Variants in OPA3 observed in about 807,000 individuals in gnomAD.
The protein encoded by OPA3 is optic atrophy 3 protein.
OPA3 carries 6 observed loss-of-function variants against 4.0 expected under a neutral mutation model. The observed-to-expected ratio is 1.51, with a 90% CI of 0.83 to 2.99. OPA3 has a LOEUF of 2.99. OPA3 is among the 30% of genes most tolerant of loss of function. OPA3 has a pLI of 0.00. For synonymous variants in OPA3, 105 were observed against 117.1 expected (o/e 0.90, Z 0.67); for missense variants, 235 against 256.2 (o/e 0.92, Z 0.56).
At position 45,548,472 on chromosome 19, in the gene OPA3, T is replaced by C. The variant is rs1969283292; in HGVS notation, c.*5042A>G. 3 of 985,298 alleles carry C rather than the reference T, an allele frequency of 3.0e-6. No homozygotes were observed. Among genetic ancestry groups the C allele is most frequent in the African/African-American group, 1.7e-5 (1 of 57,224 alleles). 61.0% of individuals were successfully genotyped at this position (985,298 alleles called of 1,614,324 possible). On this transcript the variant is annotated 3_prime_UTR_variant, in exon 2 of 2. Transcript: ENST00000263275. ...GTCACTCCAGAGGGAGGATTCCGGA[T>C]TCAGCCCAGCCCCTGCTTCCTAAAC...
Position 45,553,888 on chromosome 19 carries a change from T to C in OPA3, c.166A>G (p.Thr56Ala), listed in dbSNP as rs1190038385. The change falls in exon 2 of 2, where the codon ACC (threonine) becomes GCC (alanine). Residue 56 changes from threonine (T) to alanine (A), a missense_variant. Thr to Ala is a moderately conservative substitution (Grantham distance 58). Coordinates refer to ENST00000263275, the MANE Select transcript of OPA3 (RefSeq NM_025136.4). ...AQLYHWVEMRTKMRIMGFRGT... is the reference protein window; with the variant it reads ...AQLYHWVEMRAKMRIMGFRGT... ...CGGAAGCCCATGATGCGCATCTTGG[T>C]CCGCATCTCCACCCAGTGATACACT... 2.5e-6 allele frequency: 4 copies of C among 1,609,518 alleles called. No homozygotes were observed. The South Asian group carries it at 4.4e-5, about 18-fold the overall frequency.
At chr19:45,530,739 A>T (rs555306115) in intron 1 of OPA3, among the ~76,000 whole-genome samples, 7 of 151,768 alleles carry the variant, frequency 4.6e-5, no homozygotes, top group Non-Finnish European at 1.0e-4. Flanking sequence ...GATTACAAGC[A>T]TGAGCCACCA....
intron 1 of OPA3, among the ~76,000 whole-genome samples, chr19:45,582,330 T>C (rs989454992): frequency 6.6e-6 from 1 of 151,850 alleles, no homozygotes; most frequent in African/African-American, 2.4e-5. Context: ...CGCCTAACTT[T>C]TGTATTTTTA....
intron 1 of OPA3, among the ~76,000 whole-genome samples, chr19:45,559,217 A>G (rs1319500648): frequency 2.0e-5 from 3 of 151,262 alleles, no homozygotes; most frequent in Admixed American, 2.0e-4. Flanking sequence ...TTAACCTATA[A>G]TTTTCCTTTT....
exon 2 of OPA3, chr19:45,529,148 C>T (rs745540793): frequency 2.4e-5 from 39 of 1,609,876 alleles, no homozygotes; most frequent in Non-Finnish European, 3.1e-5. Flanking sequence ...GCGCGCAGCT[C>T]CTCCAGGGCG....
intron 1 of OPA3, among the ~76,000 whole-genome samples, chr19:45,537,086 C>T (rs1027781388): frequency 1.3e-5 from 2 of 152,022 alleles, no homozygotes; most frequent in African/African-American, 4.8e-5. Flanking sequence ...AAAATTAGCC[C>T]GGTATGCTGG....
At chr19:45,576,684 C>T (rs1467934006) in intron 1 of OPA3, among the ~76,000 whole-genome samples, 1 of 152,180 alleles carries the variant, frequency 6.6e-6, no homozygotes, top group East Asian at 1.9e-4. Context: ...CATTCCTTGG[C>T]TCATGCCTCC....
chr19:45,544,604 G>T (rs958736550), downstream of OPA3, among the ~76,000 whole-genome samples: 2 of 152,188 alleles, frequency 1.3e-5, no homozygotes, highest in African/African-American at 4.8e-5. Flanking sequence ...AGACCAGCCT[G>T]ACCAACATGG....
At chr19:45,545,163 T>TAA (rs1969231899), downstream of OPA3, among the ~76,000 whole-genome samples, 2 of 36,592 alleles carry the variant, frequency 5.5e-5, no homozygotes, top group African/African-American at 1.0e-4. Context: ...AGACACCGTC[T>TAA]CAAAAAAAAA....
rs896983820 is a variant in OPA3, at chr19:45,577,001, T to G, written c.142+7622A>C. Among the ~76,000 whole-genome samples the G allele has an allele frequency of 9.2e-5, 14 of 152,298 alleles. 1 individual carries two copies. Among genetic ancestry groups the G allele is most frequent in the African/African-American group, 3.4e-4 (14 of 41,570 alleles). On this transcript the variant is annotated intron_variant, in intron 1 of 1. Coordinates refer to ENST00000263275, the MANE Select transcript of OPA3 (RefSeq NM_025136.4). ...TGCGCGCCAAAGGAATAAACACAGA[T>G]GAGCTGGAATTTTCCTACTGCCCAG...
chr19:45,553,444 G>GA lies in OPA3; in HGVS notation c.*69_*70insT. ...TTTCCACTGGGCCAGCGCAGGCAAG[G>GA]GTGGTGCGGGAAGAAGGCCACGTTA... On this transcript the variant is annotated 3_prime_UTR_variant, in exon 2 of 2. Coordinates refer to ENST00000263275, the MANE Select transcript of OPA3 (RefSeq NM_025136.4). 6.2e-7 allele frequency: 1 copy of GA among 1,604,178 alleles called. No homozygotes were observed. Among genetic ancestry groups the GA allele is most frequent in the South Asian group, 1.1e-5 (1 of 90,978 alleles).
At chr19:45,542,962 T>C (rs10421008), downstream of OPA3, among the ~76,000 whole-genome samples, 112,231 of 152,056 alleles carry the variant, frequency 0.74, 41,522 homozygotes, top group South Asian at 0.87. Context: ...TGAGCTATCA[T>C]GCCCAGCGCG....
chr19:45,563,868 T>A (rs1363163727), intron 1 of OPA3, among the ~76,000 whole-genome samples: 6 of 150,906 alleles, frequency 4.0e-5, no homozygotes, highest in East Asian at 1.9e-4. Context: ...TTTTTTTTTT[T>A]AAATACAGAT....
At chr19:45,545,710 CTTTTTTT>C (rs991429583), downstream of OPA3, among the ~76,000 whole-genome samples, 53 of 129,524 alleles carry the variant, frequency 4.1e-4, no homozygotes, top group African/African-American at 1.4e-3. Flanking sequence ...ACATGCTTTT[CTTTTTTT>C]TTTTTTTTTT....
downstream of OPA3, among the ~76,000 whole-genome samples, chr19:45,542,970 G>A (rs57049735): frequency 0.14 from 21,852 of 151,674 alleles, 1,714 homozygotes; most frequent in African/African-American, 0.2. Flanking sequence ...CATGCCCAGC[G>A]CGTGACTTCA....
chr19:45,571,307 C>A (rs1181936185), intron 1 of OPA3, among the ~76,000 whole-genome samples: 1 of 103,640 alleles, frequency 9.6e-6, no homozygotes, highest in East Asian at 2.6e-4. Flanking sequence ...CCATGCCCAG[C>A]TAATTTTTTG....
At chr19:45,566,754 G>A (rs1211047214) in intron 1 of OPA3, among the ~76,000 whole-genome samples, 5 of 152,062 alleles carry the variant, frequency 3.3e-5, no homozygotes, top group South Asian at 2.1e-4. Context: ...GATTACAGGC[G>A]TGAGCCACCG....
intron 1 of OPA3, among the ~76,000 whole-genome samples, chr19:45,572,445 AAT>A (rs201880590): frequency 0.056 from 7,247 of 130,510 alleles, 837 homozygotes; most frequent in African/African-American, 0.19. Context: ...TATGTATATC[AAT>A]ATATGATATA....
At chr19:45,533,330 G>T (rs1193062495) in intron 1 of OPA3, among the ~76,000 whole-genome samples, 1 of 152,056 alleles carries the variant, frequency 6.6e-6, no homozygotes, top group African/African-American at 2.4e-5. Flanking sequence ...GAGTAGCTGG[G>T]ACTACAGGCA....
Sources: allele counts gnomAD v4.1 joint callset (sites outside exome capture counted in the v4.1 genomes callset), GRCh38; gene constraint gnomAD v4.1.1; transcripts MANE v1.5; gene names NCBI Gene and HGNC (gene_info 2026-07-23, HGNC 2026-07-21).